Variants in PPME1 observed in about 807,000 individuals in gnomAD.
PPME1 encodes the protein testicular secretory protein Li 39.
Under a neutral mutation model 56.9 loss-of-function variants are expected in PPME1, and 17 were observed. That is an observed-to-expected ratio of 0.30 (90% CI 0.20 to 0.45). The LOEUF (loss-of-function observed/expected upper bound fraction) is 0.45, where lower values mean the gene tolerates loss of function less well. Among genes scored for constraint, PPME1 ranks in the 20% least tolerant of loss-of-function variants. The probability of loss-of-function intolerance (pLI) is 1.00; values close to 1 mark genes in which losing one functional copy is unlikely to be tolerated. For missense variants in PPME1, 357 were observed against 483.2 expected (o/e 0.74, Z 2.45); for synonymous variants, 122 against 156.2 (o/e 0.78, Z 1.63).
rs114748709 is a variant in PPME1, at chr11:74,199,125, C to G, written c.102-4603C>G. On this transcript the variant is annotated intron_variant, in intron 1 of 13. Coordinates refer to ENST00000328257, the MANE Select transcript of PPME1 (RefSeq NM_016147.3). ...TCCTTATCTGCCTGAAATGTCTTATCCCTCTCTCCATCCCTATTTCTATCA... is the reference window on the plus strand; with the variant it reads ...TCCTTATCTGCCTGAAATGTCTTATGCCTCTCTCCATCCCTATTTCTATCA... Among the ~76,000 whole-genome samples the G allele has an allele frequency of 4.5e-3, 685 of 152,234 alleles. 9 individuals carry two copies. The highest frequency in any genetic ancestry group is 0.015 in the African/African-American group (638 of 41,534).
chr11:74,203,727 G>A lies in PPME1; in HGVS notation c.102-1G>A. ...AATGTCTCTCTCTTTTTTTTCCTCA[G>A]CCCTGGAAGAAAGCGGGACTTTTCC... On this transcript the variant is annotated splice_acceptor_variant, in intron 1 of 13. Coordinates refer to ENST00000328257, the MANE Select transcript of PPME1 (RefSeq NM_016147.3). LOFTEE classifies it high-confidence loss of function. 2 of 1,604,388 alleles carry A rather than the reference G, an allele frequency of 1.2e-6. No homozygotes were observed. The highest frequency in any genetic ancestry group is 1.7e-6 in the Non-Finnish European group (2 of 1,175,986).
intron 1 of PPME1, among the ~76,000 whole-genome samples, chr11:74,190,003 G>T (rs1337190472): frequency 2.6e-5 from 4 of 152,208 alleles, no homozygotes; most frequent in Admixed American, 6.5e-5. Context: ...CTGCACTGCT[G>T]CAAAATCTGA....
intron 1 of PPME1, chr11:74,198,958 A>G (rs1426362682): frequency 6.6e-6 from 1 of 152,238 alleles, no homozygotes; most frequent in African/African-American, 2.4e-5. Context: ...CCATTTTATT[A>G]AGCTAACATT....
chr11:74,197,437 T>C (rs1371767037), intron 1 of PPME1, among the ~76,000 whole-genome samples: 1 of 152,190 alleles, frequency 6.6e-6, no homozygotes, highest in Non-Finnish European at 1.5e-5. Flanking sequence ...GGGAATAAGA[T>C]AATTTTAGAA....
At chr11:74,226,911 TC>T (rs1419187727) in intron 5 of PPME1, among the ~76,000 whole-genome samples, 7 of 152,190 alleles carry the variant, frequency 4.6e-5, no homozygotes, top group Admixed American at 1.3e-4. Context: ...CAGCCACTAC[TC>T]CCTTGGGCTG....
At chr11:74,181,918 G>T (rs981132169) in intron 1 of PPME1, among the ~76,000 whole-genome samples, 10 of 152,182 alleles carry the variant, frequency 6.6e-5, no homozygotes, top group African/African-American at 9.6e-5. Context: ...ACACTTTATG[G>T]ACACTGAAAT....
At position 74,204,363 on chromosome 11, in the gene PPME1, T is replaced by C. The variant is rs1389957931; in HGVS notation, c.206T>C (p.Val69Ala). Residue 69 changes from valine (V) to alanine (A), a missense_variant, in exon 3 of 14, where the codon GTC becomes GCC. Coordinates refer to ENST00000328257, the MANE Select transcript of PPME1 (RefSeq NM_016147.3). ...TTTAACTATTCATACACTTTTCGAG[T>C]CTACAAGAGTGGTTCAGAGGGTCCA... ...ENETGKDTFR[V>A]YKSGSEGPVL... The C allele has an allele frequency of 1.2e-6, 2 of 1,611,512 alleles. No homozygotes were observed. Among genetic ancestry groups the C allele is most frequent in the Non-Finnish European group, 1.7e-6 (2 of 1,177,952 alleles).
At chr11:74,227,758 TATCTC>T (rs1858967749) in intron 5 of PPME1, among the ~76,000 whole-genome samples, 1 of 152,276 alleles carries the variant, frequency 6.6e-6, no homozygotes, top group African/African-American at 2.4e-5. Flanking sequence ...TTTCAGGACT[TATCTC>T]AAGTAAGGTA....
chr11:74,210,138 G>A (rs1372372065), intron 3 of PPME1, among the ~76,000 whole-genome samples: 1 of 152,118 alleles, frequency 6.6e-6, no homozygotes, highest in African/African-American at 2.4e-5. Context: ...TTGATAGTGT[G>A]GTAAAATAAT....
rs1183281032 is a variant in PPME1, at chr11:74,223,680, T to C, written c.346+1311T>C. 6.4e-4 allele frequency among the ~76,000 whole-genome samples: 71 copies of C among 111,638 alleles called. 1 individual carries two copies. The highest frequency in any genetic ancestry group is 7.5e-3 in the Middle Eastern group (2 of 266). 73.2% of individuals were successfully genotyped at this position (111,638 alleles called of 152,430 possible). Reference sequence around the variant, plus strand: ...TCTCATTGTGGTTTTGATTTGCATTTCTCTGATGGCCAGTGATGATGAGCA... The same window carrying C: ...TCTCATTGTGGTTTTGATTTGCATTCCTCTGATGGCCAGTGATGATGAGCA... On this transcript the variant is annotated intron_variant, in intron 4 of 13. Transcript: ENST00000328257.
At chr11:74,225,786 A>G (rs910286638) in intron 5 of PPME1, among the ~76,000 whole-genome samples, 3 of 152,216 alleles carry the variant, frequency 2.0e-5, no homozygotes, top group Non-Finnish European at 2.9e-5. Flanking sequence ...TTGAGAAGTT[A>G]CTAGACATAC....
chr11:74,177,360 G>A (rs760716839), intron 1 of PPME1, among the ~76,000 whole-genome samples: 104 of 151,638 alleles, frequency 6.9e-4, no homozygotes, highest in South Asian at 2.1e-4. Context: ...TACTCTGGAG[G>A]ATCATTTGAG....
intron 13 of PPME1, among the ~76,000 whole-genome samples, chr11:74,252,103 CTTTTTTT>C (rs60650207): frequency 1.7e-5 from 2 of 117,006 alleles, no homozygotes; most frequent in East Asian, 4.6e-4. Flanking sequence ...TGGAGCAGGG[CTTTTTTT>C]TTTTTTTTTT....
intron 1 of PPME1, among the ~76,000 whole-genome samples, chr11:74,171,942 G>C (rs1194042446): frequency 6.6e-6 from 1 of 152,090 alleles, no homozygotes; most frequent in Admixed American, 6.5e-5. Context: ...AGGTTTGGGA[G>C]GAGTAGATAT....
Position 74,171,484 on chromosome 11 carries a change from C to CA in PPME1, c.64dup (p.Ser22LysfsTer30). ...TTCCCTCTCGCCCACCTCTACCCGG[C>CA]AGCGGGGGCAGTCAGAGCGGAGCCA... On this transcript the variant is annotated frameshift_variant, in exon 1 of 14. Transcript: ENST00000328257. LOFTEE classifies it high-confidence loss of function. The CA allele has an allele frequency of 6.2e-7, 1 of 1,613,462 alleles. No individual in the cohort carries two copies.
chr11:74,202,877 G>T (rs533541304), intron 1 of PPME1, among the ~76,000 whole-genome samples: 122 of 152,152 alleles, frequency 8.0e-4, no homozygotes, highest in Non-Finnish European at 1.5e-3. Context: ...TTCCAGAGAT[G>T]TTGAAAACAT....
intron 3 of PPME1, among the ~76,000 whole-genome samples, chr11:74,213,721 C>T (rs7925695): frequency 0.1 from 15,223 of 152,232 alleles, 2,107 homozygotes; most frequent in African/African-American, 0.32. Context: ...GGATCTTATC[C>T]AACACCACCA....
intron 3 of PPME1, among the ~76,000 whole-genome samples, chr11:74,221,398 T>C (rs563812464): frequency 6.6e-6 from 1 of 152,310 alleles, no homozygotes; most frequent in East Asian, 1.9e-4. Flanking sequence ...ATTAGAATAA[T>C]AGAAATAGAA....
At chr11:74,203,876 A>C (rs1858248286) in intron 2 of PPME1, 55 bp downstream of exon 2, 7 of 1,291,418 alleles carry the variant, frequency 5.4e-6, no homozygotes, top group Non-Finnish European at 6.5e-6. Context: ...TGTCTAAGTT[A>C]AAAGACTTGT....
Sources: gnomAD v4.1 joint callset for allele counts (sites outside exome capture counted in the v4.1 genomes callset) on GRCh38, gnomAD v4.1.1 for gene constraint, MANE v1.5 for transcripts, NCBI Gene and HGNC (gene_info 2026-07-23, HGNC 2026-07-21) for gene names.